SYNCRIP: variants seen among roughly 807,000 people sequenced by gnomAD.
The protein encoded by SYNCRIP is heterogeneous nuclear ribonucleoprotein Q.
In SYNCRIP, 9 loss-of-function variants were observed where a neutral mutation model predicts 68.9. That is an observed-to-expected ratio of 0.13 (90% CI 0.08 to 0.23). The LOEUF is 0.23. SYNCRIP is among the 10% of genes least tolerant of loss of function. The probability of loss-of-function intolerance (pLI) is 1.00; values close to 1 mark genes in which losing one functional copy is unlikely to be tolerated. For missense variants in SYNCRIP, 414 were observed against 770.6 expected, an observed-to-expected ratio of 0.54 and a Z score of 5.48; for synonymous variants, 258 against 254.0, an observed-to-expected ratio of 1.02 and a Z score of -0.15.
At chr6:85,638,002 A>G (rs972916232) in intron 4 of SYNCRIP, among the ~76,000 whole-genome samples, 3 of 152,224 alleles carry the variant, frequency 2.0e-5, no homozygotes, top group African/African-American at 7.2e-5. Flanking sequence ...TAACTCCCAA[A>G]AAGTAACTGT....
At position 85,615,306 on chromosome 6, in the gene SYNCRIP, G is replaced by A. The variant is rs367864622; in HGVS notation, c.1322C>T (p.Pro441Leu). The A allele has an allele frequency of 3.6e-5, 56 of 1,562,694 alleles. No individual in the cohort carries two copies. The highest frequency in any genetic ancestry group is 9.5e-5 in the South Asian group (8 of 83,886). Residue 441 changes from proline (P) to leucine (L), a missense_variant, in exon 11 of 11, where the codon CCT (proline) becomes CTT (leucine). Physicochemically the swap from Pro to Leu is moderately conservative, Grantham distance 98 (BLOSUM62 -3). Coordinates refer to ENST00000369622, the MANE Select transcript of SYNCRIP (RefSeq NM_006372.5). ...YYYYGPPHMP[P>L]PTRGRGRGGR... ...TCCACGCCCTCGACCTCTTGTTGGA[G>A]GGGGCATATGAGGTGGACCATAATA...
At chr6:85,634,581 GTT>G (rs11378102) in intron 6 of SYNCRIP, among the ~76,000 whole-genome samples, 3 of 145,334 alleles carry the variant, frequency 2.1e-5, no homozygotes, top group African/African-American at 7.6e-5. Flanking sequence ...CTGGTGTGTT[GTT>G]TTTTTTTTTT....
exon 12 of SYNCRIP, chr6:85,608,437 T>C (rs1041803275): frequency 6.6e-6 from 1 of 152,064 alleles, no homozygotes; most frequent in Non-Finnish European, 1.5e-5. Flanking sequence ...ATAGTACAGA[T>C]AGTTTTTGAA....
chr6:85,623,060 C>T (rs985878040), intron 7 of SYNCRIP, among the ~76,000 whole-genome samples: 14 of 152,082 alleles, frequency 9.2e-5, no homozygotes, highest in South Asian at 2.1e-4. Context: ...TTTTTAATGG[C>T]ACTTTTCTGG....
At chr6:85,619,764 A>G (rs1313506484) in intron 8 of SYNCRIP, among the ~76,000 whole-genome samples, 4 of 151,946 alleles carry the variant, frequency 2.6e-5, no homozygotes, top group African/African-American at 9.7e-5. Flanking sequence ...AGCAATAGAA[A>G]CTCTCATTCA....
At chr6:85,635,420 T>C (rs1449469035) in intron 6 of SYNCRIP, among the ~76,000 whole-genome samples, 1 of 152,200 alleles carries the variant, frequency 6.6e-6, no homozygotes, top group African/African-American at 2.4e-5. Flanking sequence ...TTGTACTGTT[T>C]AACTTCCATC....
At chr6:85,635,633 G>A (rs1207375161) in intron 6 of SYNCRIP, among the ~76,000 whole-genome samples, 1 of 151,828 alleles carries the variant, frequency 6.6e-6, no homozygotes, top group African/African-American at 2.4e-5. Flanking sequence ...AGCCAGGTGT[G>A]GTGATAAATG....
At chr6:85,626,196 GTAGATT>G (rs1807013938) in intron 6 of SYNCRIP, among the ~76,000 whole-genome samples, 1 of 152,200 alleles carries the variant, frequency 6.6e-6, no homozygotes, top group Non-Finnish European at 1.5e-5. Flanking sequence ...TTATGGACAA[GTAGATT>G]ATAATGCCTT....
At chr6:85,609,858 T>C (rs1395287498), downstream of SYNCRIP, 1 of 151,902 alleles carries the variant, frequency 6.6e-6, no homozygotes, top group Admixed American at 6.6e-5. Context: ...TCCTTGACAA[T>C]ATACAAAATT....
chr6:85,631,747 G>A (rs1807821331), intron 6 of SYNCRIP, among the ~76,000 whole-genome samples: 2 of 152,202 alleles, frequency 1.3e-5, no homozygotes, highest in African/African-American at 2.4e-5. Context: ...GGCTTAAATT[G>A]TTATGTCTAA....
At chr6:85,632,239 C>G (rs1279374459) in intron 6 of SYNCRIP, among the ~76,000 whole-genome samples, 1 of 152,170 alleles carries the variant, frequency 6.6e-6, no homozygotes, top group Non-Finnish European at 1.5e-5. Context: ...CTATTTCAAC[C>G]TAAGGTATTC....
chr6:85,636,599 G>T (rs1428320424), intron 6 of SYNCRIP, among the ~76,000 whole-genome samples: 1 of 152,092 alleles, frequency 6.6e-6, no homozygotes, highest in African/African-American at 2.4e-5. Context: ...TGTCTTTTGT[G>T]AATTATTTAA....
intron 4 of SYNCRIP, among the ~76,000 whole-genome samples, chr6:85,638,382 A>C (rs1808725025): frequency 2.1e-5 from 1 of 47,216 alleles, no homozygotes; most frequent in African/African-American, 5.9e-5. Flanking sequence ...CCCCATCTCA[A>C]AAAAAAAAAA....
chr6:85,643,462 G>A (rs1809450829), upstream of SYNCRIP, among the ~76,000 whole-genome samples: 1 of 151,944 alleles, frequency 6.6e-6, no homozygotes, highest in Non-Finnish European at 1.5e-5. Context: ...TCCGACGGTG[G>A]CGGCCGAGGG....
chr6:85,616,898 G>A lies in SYNCRIP; in HGVS notation c.1281-1551C>T, dbSNP rs553778431. Among the ~76,000 whole-genome samples, 9 of 152,278 alleles carry A rather than the reference G, an allele frequency of 5.9e-5. 1 individual carries two copies. The highest frequency in any genetic ancestry group is 2.1e-4 in the South Asian group (1 of 4,830). ...GGGTGCTACTGGCATCTAGCAGGAA[G>A]AGGCCAAGGATGCTGCTAAAAGTCC... On this transcript the variant is annotated intron_variant, in intron 10 of 10. Coordinates refer to ENST00000369622, the MANE Select transcript of SYNCRIP (RefSeq NM_006372.5).
rs1332528836 is a variant in SYNCRIP, at chr6:85,614,352, C to G, written c.*404G>C. On this transcript the variant is annotated 3_prime_UTR_variant, in exon 11 of 11. Coordinates refer to ENST00000369622, the MANE Select transcript of SYNCRIP (RefSeq NM_006372.5). ...TGTGTATCAATTTACCTTATTCTAG[C>G]AATTTAAGTTGGTAACATACAAAGT... is the stretch of plus-strand genomic sequence containing the variant. 1 of 989,272 alleles carries G rather than the reference C, an allele frequency of 1.0e-6. No homozygotes were observed. Among genetic ancestry groups the G allele is most frequent in the Non-Finnish European group, 1.2e-6 (1 of 832,614 alleles). The allele number at this position is 989,272 out of a possible 1,614,324, so 61.3% of individuals were successfully genotyped here.
intron 10 of SYNCRIP, 149 bp downstream of exon 10, chr6:85,618,669 C>G (rs1489419106): frequency 1.0e-5 from 6 of 584,460 alleles, no homozygotes; most frequent in African/African-American, 1.9e-5. Flanking sequence ...ACACTTAGAT[C>G]ACTGGTGTTT....
intron 2 of SYNCRIP, among the ~76,000 whole-genome samples, chr6:85,640,801 G>A (rs1049930286): frequency 2.6e-5 from 4 of 151,892 alleles, no homozygotes; most frequent in Admixed American, 1.3e-4. Context: ...TATCTCCAAA[G>A]TCTGATAACT....
chr6:85,608,451 A>T (rs907117229), exon 12 of SYNCRIP: 2 of 152,034 alleles, frequency 1.3e-5, no homozygotes, highest in African/African-American at 4.8e-5. Context: ...TTTTGAACTG[A>T]TCTCCAAACA....
Sources: allele counts gnomAD v4.1 joint callset (sites outside exome capture counted in the v4.1 genomes callset), GRCh38; gene constraint gnomAD v4.1.1; transcripts MANE v1.5; gene names NCBI Gene and HGNC (gene_info 2026-07-23, HGNC 2026-07-21).